The following HSP90AA1 variants were observed in gnomAD, a reference collection of about 807,000 sequenced individuals.
HSP90AA1 encodes the protein heat shock protein HSP 90-alpha.
HSP90AA1 carries 18 observed loss-of-function variants against 73.3 expected under a neutral mutation model. That is an observed-to-expected ratio of 0.25 (90% confidence interval 0.17 to 0.36). The LOEUF is 0.36. HSP90AA1 is among the 10% of genes least tolerant of loss of function. The pLI, the probability that HSP90AA1 is intolerant of heterozygous loss-of-function variation, is 1.00. For synonymous variants in HSP90AA1, 477 were observed against 296.9 expected, an observed-to-expected ratio of 1.61 and a Z score of -6.24; for missense variants, 704 against 874.2, an observed-to-expected ratio of 0.81 and a Z score of 2.45.
At position 102,100,226 on chromosome 14, in the gene HSP90AA1, T is replaced by C. The variant is rs80051592; in HGVS notation, c.366+1649A>G. The stretch of plus-strand genomic sequence containing the variant: ...CTATAAATATTCAAAACAATTATTA[T>C]GTAAAAATTTTCTCTTTAAAACCGA... On this transcript the variant is annotated intron_variant, in intron 2 of 11. Coordinates refer to the HSP90AA1 transcript ENST00000334701. 6.5e-3 allele frequency among the ~76,000 whole-genome samples: 994 copies of C among 152,230 alleles called. 9 individuals carry two copies. Among genetic ancestry groups the C allele is most frequent in the African/African-American group, 0.023 (948 of 41,554 alleles).
chr14:102,119,835 T>A (rs2049753642), intron 1 of HSP90AA1, among the ~76,000 whole-genome samples: 1 of 152,076 alleles, frequency 6.6e-6, no homozygotes, highest in Admixed American at 6.5e-5. Flanking sequence ...ATAGCAGTAA[T>A]CCGTGGAATG....
intron 1 of HSP90AA1, among the ~76,000 whole-genome samples, chr14:102,129,352 G>C (rs552718880): frequency 6.6e-6 from 1 of 151,668 alleles, no homozygotes; most frequent in South Asian, 2.1e-4. Context: ...TTCACCCAAC[G>C]ACTATTATTC....
exon 1 of HSP90AA1, chr14:102,139,646 C>T (rs543808045): frequency 3.1e-6 from 2 of 644,430 alleles, no homozygotes; most frequent in African/African-American, 1.8e-5. Context: ...CTGAAGCCGG[C>T]ATCACCTGGG....
chr14:102,089,592 A>G (rs2049325432), upstream of HSP90AA1, among the ~76,000 whole-genome samples: 1 of 151,978 alleles, frequency 6.6e-6, no homozygotes, highest in Admixed American at 6.6e-5. Flanking sequence ...GCCCCCAGGA[A>G]ATCTTGTCCA....
chr14:102,116,637 C>T (rs931209798), intron 1 of HSP90AA1, among the ~76,000 whole-genome samples: 6 of 152,178 alleles, frequency 3.9e-5, no homozygotes, highest in Non-Finnish European at 5.9e-5. Flanking sequence ...ACTGCCACTG[C>T]GGAGAGGGCA....
intron 1 of HSP90AA1, among the ~76,000 whole-genome samples, chr14:102,118,279 T>G (rs139381206): frequency 0.012 from 1,864 of 152,372 alleles, 20 homozygotes; most frequent in Non-Finnish European, 0.019. Flanking sequence ...ACACTTATAG[T>G]GGTTTATCAG....
chr14:102,083,741 A>G (rs771191902), intron 7 of HSP90AA1, 48 bp from the exon 8 acceptor site: 13 of 1,596,630 alleles, frequency 8.1e-6, no homozygotes, highest in South Asian at 5.7e-5. Flanking sequence ...TTAAAAAAAA[A>G]AAAAAAAAAC....
chr14:102,108,488 C>T (rs528179403), intron 1 of HSP90AA1, among the ~76,000 whole-genome samples: 1 of 148,024 alleles, frequency 6.8e-6, no homozygotes, highest in Admixed American at 6.7e-5. Context: ...AATAGTAAAA[C>T]TTTTAACTTC....
intron 1 of HSP90AA1, among the ~76,000 whole-genome samples, chr14:102,134,300 G>A (rs965360416): frequency 3.4e-5 from 5 of 147,206 alleles, no homozygotes; most frequent in African/African-American, 1.3e-4. Flanking sequence ...TCAAACCTGG[G>A]CGACAGAGCA....
intron 2 of HSP90AA1, among the ~76,000 whole-genome samples, chr14:102,099,586 C>T (rs1204332440): frequency 6.6e-6 from 1 of 152,066 alleles, no homozygotes; most frequent in East Asian, 1.9e-4. Flanking sequence ...GGAGAGAGAA[C>T]TCCCTAACAT....
intron 1 of HSP90AA1, among the ~76,000 whole-genome samples, chr14:102,125,610 A>G (rs2152625350): frequency 1.3e-5 from 2 of 152,312 alleles, no homozygotes; most frequent in Non-Finnish European, 2.9e-5. Context: ...CTAGAAGCAG[A>G]GCTTTCTGAA....
rs1288624852 is a variant in HSP90AA1, at chr14:102,080,810, A to G, written c.*902T>C. On this transcript the variant is annotated 3_prime_UTR_variant, in exon 11 of 11. Coordinates refer to ENST00000216281, the MANE Select transcript of HSP90AA1 (RefSeq NM_005348.4). ...TGAATAACATCAAAACAACGTGGAC[A>G]CTAAGAGAACACATGTAACTCATGG... The G allele has an allele frequency of 4.4e-6, 1 of 225,318 alleles. No individual in the cohort carries two copies. The highest frequency in any genetic ancestry group is 8.8e-6 in the Non-Finnish European group (1 of 113,170). The allele number at this position is 225,318 out of a possible 1,614,324, so 14.0% of individuals were successfully genotyped here. A position where few individuals can be genotyped will look rare whatever the true frequency, so the allele number is the denominator to read the frequency against.
At chr14:102,087,441 AGTT>A (rs1265981335), upstream of HSP90AA1, among the ~76,000 whole-genome samples, 4 of 151,322 alleles carry the variant, frequency 2.6e-5, no homozygotes, top group African/African-American at 9.7e-5. Context: ...AGTGAGGTGT[AGTT>A]GGTCACCCGG....
intron 1 of HSP90AA1, among the ~76,000 whole-genome samples, chr14:102,121,635 ATTGATAAT>A (rs1375672205): frequency 6.6e-6 from 1 of 152,164 alleles, no homozygotes; most frequent in African/African-American, 2.4e-5. Context: ...TCAATTTTAT[ATTGATAAT>A]TGATATTTTC....
At position 102,086,113 on chromosome 14, in the gene HSP90AA1, T is replaced by C. The variant is rs1333319171; in HGVS notation, c.174A>G (p.Lys58=). ...LISNSSDALD[K]IRYESLTDPS... The stretch of plus-strand genomic sequence containing the variant: ...GATCTGTCAAGCTTTCATACCGGAT[T>C]TTGTCCAATGCCTGTTAACAAAAAA... Residue 58 remains lysine, a synonymous_variant, in exon 3 of 11, where the codon AAA becomes AAG. Transcript: ENST00000216281. 2.5e-6 allele frequency: 4 copies of C among 1,613,992 alleles called. No individual in the cohort carries two copies. The highest frequency in any genetic ancestry group is 1.3e-5 in the African/African-American group (1 of 74,916).
intron 2 of HSP90AA1, among the ~76,000 whole-genome samples, chr14:102,095,781 C>A (rs1158909113): frequency 6.6e-6 from 1 of 152,216 alleles, no homozygotes; most frequent in Non-Finnish European, 1.5e-5. Flanking sequence ...AACGTTCTTT[C>A]TCTCTGTGCT....
At chr14:102,110,446 G>A (rs2049625176) in intron 1 of HSP90AA1, among the ~76,000 whole-genome samples, 2 of 151,700 alleles carry the variant, frequency 1.3e-5, no homozygotes, top group South Asian at 4.1e-4. Flanking sequence ...TTTTGAGAGA[G>A]TTTCACTCTG....
At chr14:102,096,526 T>TA (rs1489956570) in intron 2 of HSP90AA1, among the ~76,000 whole-genome samples, 1 of 152,202 alleles carries the variant, frequency 6.6e-6, no homozygotes, top group Non-Finnish European at 1.5e-5. Context: ...TCCAGGCAAA[T>TA]ACGTGTCTGC....
In HSP90AA1 at chr14:102,085,400, G is replaced by A. The variant is rs753257553; in HGVS notation, c.561C>T (p.Ile187=). Residue 187 remains isoleucine, a synonymous_variant, in exon 4 of 11, where the codon ATC becomes ATT. Coordinates refer to ENST00000216281, the MANE Select transcript of HSP90AA1 (RefSeq NM_005348.4). ...CAGTTTGGTCTTCTTTCAGGTGTAG[G>A]ATAACTTTTGTTCCACGACCCATAG... ...GEPMGRGTKV[I]LHLKEDQTEY... The A allele has an allele frequency of 2.5e-6, 4 of 1,613,616 alleles. No individual in the cohort carries two copies. Among genetic ancestry groups the A allele is most frequent in the Admixed American group, 3.3e-5 (2 of 59,998 alleles).
Sources: allele counts gnomAD v4.1 joint callset (sites outside exome capture counted in the v4.1 genomes callset), GRCh38; gene constraint gnomAD v4.1.1; transcripts MANE v1.5; gene names NCBI Gene and HGNC (gene_info 2026-07-23, HGNC 2026-07-21).